Variants in ARHGAP24 observed in about 807,000 individuals in gnomAD.
ARHGAP24 encodes rho GTPase-activating protein 24.
ARHGAP24 carries 50 observed loss-of-function variants against 76.4 expected under a neutral mutation model. That is an observed-to-expected ratio of 0.65 (90% CI 0.52 to 0.83). The LOEUF (loss-of-function observed/expected upper bound fraction) is 0.83, where lower values mean the gene tolerates loss of function less well. ARHGAP24 is among the 40% of genes least tolerant of loss of function. ARHGAP24 has a pLI of 0.00. For synonymous variants in ARHGAP24, 345 were observed against 323.3 expected (o/e 1.07, Z -0.72); for missense variants, 930 against 914.2 (o/e 1.02, Z -0.22).
At chr4:85,535,411 G>T (rs1197559050) in intron 1 of ARHGAP24, among the ~76,000 whole-genome samples, 1 of 152,106 alleles carries the variant, frequency 6.6e-6, no homozygotes, top group African/African-American at 2.4e-5. Flanking sequence ...GTAGAAGTTG[G>T]CACTTACAAT....
intron 3 of ARHGAP24, among the ~76,000 whole-genome samples, chr4:85,726,863 A>T (rs1725187171): frequency 1.3e-5 from 2 of 152,128 alleles, no homozygotes; most frequent in South Asian, 4.1e-4. Context: ...AAGTAATTTG[A>T]TCCAGGTTAA....
chr4:85,677,977 A>G (rs1400703056), intron 2 of ARHGAP24, among the ~76,000 whole-genome samples: 1 of 151,980 alleles, frequency 6.6e-6, no homozygotes, highest in Non-Finnish European at 1.5e-5. Flanking sequence ...GAGTTCGAGG[A>G]TGTAGTGAAC....
intron 2 of ARHGAP24, among the ~76,000 whole-genome samples, chr4:85,603,354 T>C (rs1720094304): frequency 6.6e-6 from 1 of 152,242 alleles, no homozygotes; most frequent in African/African-American, 2.4e-5. Context: ...AGTTGCAGCT[T>C]AGCTGTGACG....
At chr4:85,648,375 G>T (rs1264800056) in intron 2 of ARHGAP24, among the ~76,000 whole-genome samples, 2 of 152,076 alleles carry the variant, frequency 1.3e-5, no homozygotes, top group African/African-American at 4.8e-5. Context: ...CACTGAGTTT[G>T]AGATACACAG....
At chr4:85,949,229 C>T (rs1737461715) in intron 5 of ARHGAP24, among the ~76,000 whole-genome samples, 1 of 152,146 alleles carries the variant, frequency 6.6e-6, no homozygotes, top group Non-Finnish European at 1.5e-5. Flanking sequence ...TGCCTGGTTC[C>T]AATACTAATA....
chr4:85,771,217 A>G (rs1267385631), intron 3 of ARHGAP24, among the ~76,000 whole-genome samples: 2 of 152,198 alleles, frequency 1.3e-5, no homozygotes. Flanking sequence ...TATGGTGGCT[A>G]AGAAGTTCCA....
intron 3 of ARHGAP24, among the ~76,000 whole-genome samples, chr4:85,799,035 A>G (rs570169355): frequency 2.0e-5 from 3 of 152,302 alleles, no homozygotes; most frequent in Admixed American, 1.3e-4. Flanking sequence ...GAAGTCAGAG[A>G]TATTAACATG....
At chr4:85,590,465 T>A (rs1728048038) in intron 2 of ARHGAP24, among the ~76,000 whole-genome samples, 1 of 152,086 alleles carries the variant, frequency 6.6e-6, no homozygotes, top group Non-Finnish European at 1.5e-5. Flanking sequence ...GTTCAAGCGA[T>A]TCTCCTGCTC....
At chr4:85,738,572 C>G (rs1298203388) in intron 3 of ARHGAP24, among the ~76,000 whole-genome samples, 2 of 151,794 alleles carry the variant, frequency 1.3e-5, no homozygotes, top group East Asian at 3.9e-4. Context: ...TGATAAAATC[C>G]AATTTATCTC....
intron 3 of ARHGAP24, among the ~76,000 whole-genome samples, chr4:85,724,489 GTGTATA>G (rs372065969): frequency 0.067 from 8,742 of 130,688 alleles, 520 homozygotes; most frequent in East Asian, 0.22. Flanking sequence ...TTTTCCATGT[GTGTATA>G]TATATATATA....
At chr4:85,618,674 A>G (rs1259678548) in intron 2 of ARHGAP24, among the ~76,000 whole-genome samples, 2 of 152,076 alleles carry the variant, frequency 1.3e-5, no homozygotes, top group Admixed American at 1.3e-4. Context: ...AGCCATTCTA[A>G]CTGGGGTGAG....
chr4:85,730,435 C>T (rs1331487297), intron 3 of ARHGAP24, among the ~76,000 whole-genome samples: 1 of 91,694 alleles, frequency 1.1e-5, no homozygotes, highest in Non-Finnish European at 2.2e-5. Context: ...GAGACAGGGT[C>T]TCACTCTGTC....
At position 85,713,645 on chromosome 4, in the gene ARHGAP24, T is replaced by G. The variant is rs117049850; in HGVS notation, c.181-8240T>G. On this transcript the variant is annotated intron_variant, in intron 2 of 9. Coordinates refer to ENST00000395184, the MANE Select transcript of ARHGAP24 (RefSeq NM_001025616.3). ...ATTGTGTCTCTGACTATCAGCTGCATGCTCCTCAAATTACTGGTGCTTTAC... is the reference window on the plus strand; with the variant it reads ...ATTGTGTCTCTGACTATCAGCTGCAGGCTCCTCAAATTACTGGTGCTTTAC... Among the ~76,000 whole-genome samples, 97 of 152,268 alleles carry G rather than the reference T, an allele frequency of 6.4e-4. No homozygotes were observed. In the East Asian group the frequency reaches 0.017, roughly 26 times the overall value.
intron 1 of ARHGAP24, among the ~76,000 whole-genome samples, chr4:85,500,636 A>G (rs1723766464): frequency 6.6e-6 from 1 of 152,224 alleles, no homozygotes. Flanking sequence ...CACATGATGC[A>G]TTTAAATTAA....
intron 7 of ARHGAP24, among the ~76,000 whole-genome samples, chr4:85,977,303 A>G (rs910265884): frequency 2.0e-5 from 3 of 152,142 alleles, no homozygotes; most frequent in Admixed American, 6.5e-5. Flanking sequence ...GTATTGTCCA[A>G]ACACACCTGT....
intron 4 of ARHGAP24, among the ~76,000 whole-genome samples, chr4:85,924,332 G>A (rs1262958426): frequency 6.6e-6 from 1 of 151,930 alleles, no homozygotes; most frequent in Admixed American, 6.6e-5. Flanking sequence ...CTAAAAAGGT[G>A]CTATGCATAG....
chr4:85,506,498 A>C (rs1724053753), intron 1 of ARHGAP24, among the ~76,000 whole-genome samples: 1 of 152,108 alleles, frequency 6.6e-6, no homozygotes, highest in African/African-American at 2.4e-5. Context: ...GGTCAATCTC[A>C]TACTGCTGCG....
chr4:85,569,499 T>C (rs964248046), intron 1 of ARHGAP24, among the ~76,000 whole-genome samples: 5 of 152,218 alleles, frequency 3.3e-5, no homozygotes, highest in African/African-American at 1.2e-4. Flanking sequence ...ACCTGTTGGT[T>C]AATATTTTTC....
intron 2 of ARHGAP24, among the ~76,000 whole-genome samples, chr4:85,608,725 T>A (rs1394486897): frequency 6.6e-6 from 1 of 151,850 alleles, no homozygotes; most frequent in Non-Finnish European, 1.5e-5. Context: ...GCCCAGCTAA[T>A]TTTTTTGTAT....
Sources: gnomAD v4.1 joint callset for allele counts (sites outside exome capture counted in the v4.1 genomes callset) on GRCh38, gnomAD v4.1.1 for gene constraint, MANE v1.5 for transcripts, NCBI Gene and HGNC (gene_info 2026-07-23, HGNC 2026-07-21) for gene names.